Variants in BAHCC1 observed in about 807,000 individuals in gnomAD.
BAHCC1 encodes the protein BAH and coiled-coil domain-containing protein 1.
BAHCC1 carries 43 observed loss-of-function variants against 88.2 expected under a neutral mutation model. The ratio of observed to expected loss-of-function variants is 0.49; its 90% CI spans 0.38 to 0.63. BAHCC1 has a LOEUF of 0.63. BAHCC1 is among the 20% of genes least tolerant of loss of function. The probability of loss-of-function intolerance (pLI) is 0.00; values close to 1 mark genes in which losing one functional copy is unlikely to be tolerated. For synonymous variants in BAHCC1, 1,510 were observed against 745.5 expected (o/e 2.03, Z -16.71); for missense variants, 3,023 against 1,654.8 (o/e 1.83, Z -14.34).
rs781891050 is a variant in BAHCC1 at position 81,444,651 on chromosome 17, TG to T, written c.2513-16del. 6.5e-5 allele frequency: 50 copies of T among 769,566 alleles called. No individual in the cohort carries two copies. Among genetic ancestry groups the T allele is most frequent in the Non-Finnish European group, 9.4e-5 (39 of 417,042 alleles). The allele number at this position is 769,566 out of a possible 1,614,324, so 47.7% of individuals were successfully genotyped here. A position where few individuals can be genotyped will look rare whatever the true frequency, so the allele number is the denominator to read the frequency against. ...CCGAGAGTGCGAGGCCTGACCACTG[TG>T]CCCTCTGCCTCCCAGGCCTGGGGCA... On this transcript the variant is annotated splice_polypyrimidine_tract_variant and intron_variant, in intron 7 of 27. Transcript: ENST00000675386.
intron 10 of BAHCC1, among the ~76,000 whole-genome samples, chr17:81,446,565 G>A (rs1450460384): frequency 2.0e-4 from 3 of 14,734 alleles, no homozygotes; most frequent in African/African-American, 9.1e-4. Flanking sequence ...TTTTTTTTTT[G>A]AGACAGGGTA....
chr17:81,400,235 C>T (rs560719951), intron 2 of BAHCC1, among the ~76,000 whole-genome samples: 1 of 152,216 alleles, frequency 6.6e-6, no homozygotes, highest in African/African-American at 2.4e-5. Context: ...CCACGGAAAC[C>T]TCTTTTCTGC....
chr17:81,422,390 C>T (rs782288138), intron 2 of BAHCC1, among the ~76,000 whole-genome samples: 1 of 152,168 alleles, frequency 6.6e-6, no homozygotes, highest in Non-Finnish European at 1.5e-5. Flanking sequence ...GACAGCAATC[C>T]AGGTGGCCCG....
At chr17:81,400,641 CGGCGGATTTGCTCCAAGAGGAGAGCGA>C (rs529956764) in intron 2 of BAHCC1, 243 of 153,226 alleles carry the variant, frequency 1.6e-3, no homozygotes, top group African/African-American at 5.4e-3. Flanking sequence ...GGCGAGAGTG[CGGCGGATTTGCTCCAAGAGGAGAGCGA>C]GGCGGATTTG....
At position 81,461,872 on chromosome 17, in the gene BAHCC1, C is replaced by G. The variant is rs1402058665; in HGVS notation, c.7209C>G (p.Gly2403=). The change falls in exon 26 of 28, where the codon GGC becomes GGG. Residue 2403 remains glycine, a synonymous_variant. Transcript: ENST00000675386. ...CCACGGTGGCTGGCACCGGTGCGGG[C>G]TCAGGCCCCAGCAGCAGCAGCAAAT... is the stretch of plus-strand genomic sequence containing the variant. ...SRATVAGTGA[G]SGPSSSSKSK... 1 of 725,008 alleles carries G rather than the reference C, an allele frequency of 1.4e-6. No individual in the cohort carries two copies. The allele number at this position is 725,008 out of a possible 1,614,324, so 44.9% of individuals were successfully genotyped here. A position where few individuals can be genotyped will look rare whatever the true frequency, so the allele number is the denominator to read the frequency against.
chr17:81,416,034 G>A (rs1465459313), intron 2 of BAHCC1, among the ~76,000 whole-genome samples: 1 of 150,472 alleles, frequency 6.6e-6, no homozygotes, highest in African/African-American at 2.5e-5. Flanking sequence ...GAGGATGGGT[G>A]TATGCGCATG....
intron 3 of BAHCC1, among the ~76,000 whole-genome samples, chr17:81,427,876 C>T (rs1291266603): frequency 4.6e-5 from 7 of 152,200 alleles, no homozygotes; most frequent in African/African-American, 1.4e-4. Context: ...ACCCACACAC[C>T]ACGCCACCGC....
chr17:81,401,844 C>T (rs1251316194), intron 2 of BAHCC1: 3 of 152,370 alleles, frequency 2.0e-5, no homozygotes, highest in Admixed American at 6.5e-5. Flanking sequence ...GACCCCATGC[C>T]CCAGCTCACA....
chr17:81,452,460 T>C (rs2143590599), intron 13 of BAHCC1, among the ~76,000 whole-genome samples: 1 of 148,188 alleles, frequency 6.7e-6, no homozygotes, highest in East Asian at 2.0e-4. Flanking sequence ...AGTTGGGGGA[T>C]TCTCTGGGGG....
intron 14 of BAHCC1, among the ~76,000 whole-genome samples, chr17:81,454,155 C>T (rs1555656607): frequency 6.6e-6 from 1 of 152,218 alleles, no homozygotes; most frequent in Admixed American, 6.5e-5. Flanking sequence ...CAGAGAGACT[C>T]CCCAAGCCTT....
chr17:81,450,233 C>G (rs942781203), intron 11 of BAHCC1, among the ~76,000 whole-genome samples: 1 of 152,124 alleles, frequency 6.6e-6, no homozygotes, highest in South Asian at 2.1e-4. Flanking sequence ...CACCACCCAC[C>G]CCCACCGCAA....
chr17:81,409,339 CAG>C (rs1390236977), intron 2 of BAHCC1, among the ~76,000 whole-genome samples: 13 of 126,044 alleles, frequency 1.0e-4, no homozygotes, highest in African/African-American at 2.9e-4. Flanking sequence ...TGGTGGGAGA[CAG>C]AAGTGGGGGT....
At chr17:81,453,634 G>C (rs557625731) in intron 14 of BAHCC1, among the ~76,000 whole-genome samples, 28 of 151,388 alleles carry the variant, frequency 1.8e-4, no homozygotes, top group Admixed American at 1.1e-3. Context: ...GTGTCTCCTG[G>C]GGGGGGGTCT....
chr17:81,458,569 CTGAGGCTGTCCCACCCT>C, intron 18 of BAHCC1, 35 bp from the exon 19 acceptor site: 1 of 699,520 alleles, frequency 1.4e-6, no homozygotes, highest in Non-Finnish European at 2.7e-6. Flanking sequence ...CTGGGTCAAC[CTGAGGCTGTCCCACCCT>C]TGACTCAGCC....
chr17:81,463,889 C>T lies in BAHCC1; in HGVS notation c.*72C>T, dbSNP rs1205381911. 2.3e-5 allele frequency: 16 copies of T among 688,308 alleles called. No homozygotes were observed. Among genetic ancestry groups the T allele is most frequent in the South Asian group, 7.5e-5 (5 of 66,876 alleles). The allele number at this position is 688,308 out of a possible 1,614,324, so 42.6% of individuals were successfully genotyped here. ...CGGAGCCTGGCGTCGGCCAAGCCACCGGGCAGGAGGCAGCCCCGGCCTCCC... is the reference window on the plus strand; with the variant it reads ...CGGAGCCTGGCGTCGGCCAAGCCACTGGGCAGGAGGCAGCCCCGGCCTCCC... On this transcript the variant is annotated 3_prime_UTR_variant, in exon 28 of 28. Coordinates refer to ENST00000675386, the MANE Select transcript of BAHCC1 (RefSeq NM_001377448.1).
chr17:81,434,602 C>T lies in BAHCC1; in HGVS notation c.359-3768C>T, dbSNP rs367898945. ...CCTGCAGTGGGAAGTCCCCTGACCC[C>T]CCAGGTGATCTTGGTCCTTCTGCTG... On this transcript the variant is annotated intron_variant, in intron 3 of 27. Coordinates refer to ENST00000675386, the MANE Select transcript of BAHCC1 (RefSeq NM_001377448.1). This position sits in a 1 kb window ranked among gnomAD's most constrained non-coding sequence, Gnocchi z 4.9. Among the ~76,000 whole-genome samples, 1 of 152,268 alleles carries T rather than the reference C, an allele frequency of 6.6e-6. No homozygotes were observed. The highest frequency in any genetic ancestry group is 2.4e-5 in the African/African-American group (1 of 41,554).
rs782383704 is a variant in BAHCC1 at position 81,461,869 on chromosome 17, G to A, written c.7206G>A (p.Ala2402=). 16 of 723,828 alleles carry A rather than the reference G, an allele frequency of 2.2e-5. No homozygotes were observed. Among genetic ancestry groups the A allele is most frequent in the Admixed American group, 4.0e-5 (2 of 50,596 alleles). The allele number at this position is 723,828 out of a possible 1,614,324, so 44.8% of individuals were successfully genotyped here. ...GGGCCACGGTGGCTGGCACCGGTGCGGGCTCAGGCCCCAGCAGCAGCAGCA... is the reference window on the plus strand; with the variant it reads ...GGGCCACGGTGGCTGGCACCGGTGCAGGCTCAGGCCCCAGCAGCAGCAGCA... ...LSRATVAGTG[A]GSGPSSSSKS... is the part of the protein sequence containing the mutation. The change falls in exon 26 of 28, where the codon GCG becomes GCA. Residue 2402 remains alanine, a synonymous_variant. Transcript: ENST00000675386.
chr17:81,433,563 T>G (rs1278041138), intron 3 of BAHCC1, among the ~76,000 whole-genome samples: 2 of 114,780 alleles, frequency 1.7e-5, no homozygotes, highest in Admixed American at 9.0e-5. Context: ...CTCCTGTGCT[T>G]AGGGCAGGTG....
chr17:81,409,410 G>A (rs1397082281), intron 2 of BAHCC1, among the ~76,000 whole-genome samples: 3 of 152,234 alleles, frequency 2.0e-5, no homozygotes, highest in Non-Finnish European at 4.4e-5. Context: ...GGGAAGGGGG[G>A]AAGTGCGTGT....
Sources: gnomAD v4.1 joint callset for allele counts (sites outside exome capture counted in the v4.1 genomes callset) on GRCh38, gnomAD v4.1.1 for gene constraint, Gnocchi (gnomAD v3.1) non-coding constraint, MANE v1.5 for transcripts, NCBI Gene and HGNC (gene_info 2026-07-23, HGNC 2026-07-21) for gene names.